RB1CC1: variants seen among roughly 807,000 people sequenced by gnomAD.
The protein encoded by RB1CC1 is RB1 inducible coiled-coil 1.
RB1CC1 carries 46 observed loss-of-function variants against 177.5 expected under a neutral mutation model. The ratio of observed to expected loss-of-function variants is 0.26; its 90% confidence interval spans 0.20 to 0.33. RB1CC1 has a LOEUF of 0.33. Ranked by LOEUF, RB1CC1 falls within the 10% of genes least tolerant of loss-of-function variation. The pLI, the probability that RB1CC1 is intolerant of heterozygous loss-of-function variation, is 1.00. For missense variants in RB1CC1, 1,703 were observed against 1,816.3 expected, an observed-to-expected ratio of 0.94 and a Z score of 1.13; for synonymous variants, 666 against 613.6, an observed-to-expected ratio of 1.09 and a Z score of -1.26.
intron 20 of RB1CC1, among the ~76,000 whole-genome samples, chr8:52,633,897 T>C (rs1209512633): frequency 6.6e-6 from 1 of 152,112 alleles, no homozygotes; most frequent in African/African-American, 2.4e-5. Flanking sequence ...GAGACCAGCC[T>C]GGACAAGATG....
In RB1CC1 at chr8:52,698,669, GGTTTTTTTTTTTTTTTTT is replaced by G. The variant is rs1855699610; in HGVS notation, c.-166-11720_-166-11703del. Among the ~76,000 whole-genome samples the G allele has an allele frequency of 1.8e-4, 4 of 22,770 alleles. 1 individual carries two copies. The highest frequency in any genetic ancestry group is 2.8e-4 in the Non-Finnish European group (3 of 10,598). The allele number at this position is 22,770 out of a possible 152,430, so 14.9% of individuals were successfully genotyped here. A position where few individuals can be genotyped will look rare whatever the true frequency, so the allele number is the denominator to read the frequency against. On this transcript the variant is annotated intron_variant, in intron 1 of 23. Transcript: ENST00000025008. The stretch of plus-strand genomic sequence containing the variant: ...AACAAAAACTGTATATGTAATGGTT[GGTTTTTTTTTTTTTTTTT>G]TTTTTTTTTTTTTTTTTTTTTTTTT...
In RB1CC1 at chr8:52,656,337, T is replaced by C. The variant is rs1851080820; in HGVS notation, c.3492A>G (p.Gln1164=). 1.9e-6 allele frequency: 3 copies of C among 1,612,538 alleles called. No homozygotes were observed. Among genetic ancestry groups the C allele is most frequent in the Non-Finnish European group, 2.5e-6 (3 of 1,179,670 alleles). The change falls in exon 15 of 24, where the codon CAA becomes CAG. Residue 1164 remains glutamine (Q), a synonymous_variant. Coordinates refer to ENST00000025008, the MANE Select transcript of RB1CC1 (RefSeq NM_014781.5). ...ELNKVTSLHN[Q]AFEIEKNLKE... is the part of the protein sequence containing the mutation. Reference sequence around the variant, plus strand: ...TTAGGTTTTTTTCTATTTCAAATGCTTGGTTATGCAAAGATGTTACTTTGT... The same window carrying C: ...TTAGGTTTTTTTCTATTTCAAATGCCTGGTTATGCAAAGATGTTACTTTGT...
rs868539539 is a variant in RB1CC1 at position 52,658,886 on chromosome 8, G to C, written c.1780C>G (p.Gln594Glu). ...FLQSFCPSEV[Q>E]PFLRVPLLCD... ...AATGACATTTACCTGAGGAATGGCT[G>C]AACTTCCGAAGGACAAAATGATTGC... The change falls in exon 13 of 24, where the codon CAG becomes GAG. Residue 594 changes from glutamine to glutamate, a missense_variant. Around this residue, in one of 6 missense-constraint regions of RB1CC1, gnomAD observed 1,169 missense variants for 1,184.7 expected, o/e 0.99. Coordinates refer to ENST00000025008, the MANE Select transcript of RB1CC1 (RefSeq NM_014781.5). 6.4e-7 allele frequency: 1 copy of C among 1,573,024 alleles called. No individual in the cohort carries two copies. Among genetic ancestry groups the C allele is most frequent in the Non-Finnish European group, 8.6e-7 (1 of 1,160,018 alleles).
At chr8:52,660,836 G>A in intron 11 of RB1CC1, 90 bp downstream of exon 11, 1 of 1,169,914 alleles carries the variant, frequency 8.5e-7, no homozygotes, top group Non-Finnish European at 1.2e-6. Context: ...GCAATTAACA[G>A]CATATACATG....
At chr8:52,649,009 T>C (rs532436692) in intron 15 of RB1CC1, among the ~76,000 whole-genome samples, 1 of 152,306 alleles carries the variant, frequency 6.6e-6, no homozygotes, top group African/African-American at 2.4e-5. Flanking sequence ...GTGGATACAC[T>C]GGACAAATCA....
At chr8:52,630,658 G>A in intron 20 of RB1CC1, 130 bp from the exon 21 acceptor site, 1 of 792,522 alleles carries the variant, frequency 1.3e-6, no homozygotes, top group Non-Finnish European at 1.8e-6. Context: ...AACTAATATA[G>A]TTCTTATGTT....
chr8:52,682,557 TTTC>T (rs1434347830), intron 5 of RB1CC1, among the ~76,000 whole-genome samples: 14 of 152,210 alleles, frequency 9.2e-5, no homozygotes, highest in East Asian at 1.9e-4. Flanking sequence ...TTCTTTTTAC[TTTC>T]TTGTTTTCAT....
chr8:52,645,285 T>C (rs1473623970), intron 16 of RB1CC1, among the ~76,000 whole-genome samples: 2 of 152,198 alleles, frequency 1.3e-5, no homozygotes, highest in East Asian at 3.8e-4. Flanking sequence ...GTTTAGAGAA[T>C]TTGAAGCTTA....
At chr8:52,641,384 C>CAAA (rs33912526) in intron 18 of RB1CC1, among the ~76,000 whole-genome samples, 56 of 97,428 alleles carry the variant, frequency 5.7e-4, no homozygotes, top group African/African-American at 1.6e-3. Context: ...GACTTCATCT[C>CAAA]AAAAAAAAAA....
chr8:52,660,887 C>A, intron 11 of RB1CC1, 39 bp downstream of exon 11: 1 of 1,532,302 alleles, frequency 6.5e-7, no homozygotes, highest in Non-Finnish European at 8.9e-7. Flanking sequence ...AAACTTTTAT[C>A]CTTTACAAAA....
chr8:52,689,727 A>G (rs1188252857), intron 1 of RB1CC1, among the ~76,000 whole-genome samples: 1 of 152,132 alleles, frequency 6.6e-6, no homozygotes, highest in Non-Finnish European at 1.5e-5. Context: ...GAGCTGCTAA[A>G]GTCTCTGAGT....
chr8:52,663,373 C>G (rs932662532), intron 8 of RB1CC1, among the ~76,000 whole-genome samples: 1 of 151,428 alleles, frequency 6.6e-6, no homozygotes, highest in East Asian at 1.9e-4. Flanking sequence ...TTTGCCAAAA[C>G]CATGTAGAAG....
Position 52,628,023 on chromosome 8 carries a change from GAC to G in RB1CC1, c.4636+7_4636+8del. 6.4e-7 allele frequency: 1 copy of G among 1,567,548 alleles called. No homozygotes were observed. The highest frequency in any genetic ancestry group is 8.6e-7 in the Non-Finnish European group (1 of 1,163,000). ...CAGGTTTATATTTTAGTCATGGAAT[GAC>G]ACTTACCACCCTCACCTGGTTTGAG... On this transcript the variant is annotated splice_region_variant and intron_variant, in intron 22 of 23. Transcript: ENST00000025008.
intron 1 of RB1CC1, among the ~76,000 whole-genome samples, chr8:52,704,857 G>C (rs575280816): frequency 2.8e-4 from 42 of 152,184 alleles, no homozygotes; most frequent in African/African-American, 9.4e-4. Context: ...AAATAGTCAC[G>C]ATTTCCTAAA....
At chr8:52,642,262 G>GT in intron 18 of RB1CC1, 89 bp downstream of exon 18, 1 of 1,477,768 alleles carries the variant, frequency 6.8e-7, no homozygotes, top group South Asian at 1.4e-5. Flanking sequence ...TGGACAACCA[G>GT]TAATGCTAAA....
chr8:52,697,954 T>TG (rs1386444514), intron 1 of RB1CC1, among the ~76,000 whole-genome samples: 1 of 152,194 alleles, frequency 6.6e-6, no homozygotes, highest in Non-Finnish European at 1.5e-5. Context: ...GAAATATAGT[T>TG]AAAGCATACA....
intron 7 of RB1CC1, among the ~76,000 whole-genome samples, chr8:52,673,483 A>C (rs1388420683): frequency 6.6e-6 from 1 of 152,214 alleles, no homozygotes; most frequent in Non-Finnish European, 1.5e-5. Flanking sequence ...GCCTCTAAGG[A>C]AATAGTGACT....
At chr8:52,671,750 T>C (rs1852624663) in intron 7 of RB1CC1, among the ~76,000 whole-genome samples, 1 of 152,196 alleles carries the variant, frequency 6.6e-6, no homozygotes, top group East Asian at 1.9e-4. Context: ...CAGCATGTGC[T>C]GGTTTGTTAC....
chr8:52,648,589 T>G (rs1850269533), intron 15 of RB1CC1, among the ~76,000 whole-genome samples: 4 of 152,156 alleles, frequency 2.6e-5, no homozygotes, highest in Admixed American at 2.6e-4. Context: ...AGTCCCCCTT[T>G]ACCCACAGGG....
Sources: allele counts gnomAD v4.1 joint callset (sites outside exome capture counted in the v4.1 genomes callset), GRCh38; gene constraint gnomAD v4.1.1; regional missense constraint gnomAD v4.1.1; transcripts MANE v1.5; gene names NCBI Gene and HGNC (gene_info 2026-07-23, HGNC 2026-07-21).